The following FARSB variants were observed in gnomAD, a reference collection of about 807,000 sequenced individuals.
FARSB encodes the protein phenylalanine--tRNA ligase beta subunit.
A neutral mutation model predicts 69.6 loss-of-function variants in FARSB; 40 were observed. The ratio of observed to expected loss-of-function variants is 0.57; its 90% CI spans 0.45 to 0.75. FARSB has a LOEUF of 0.75. Among genes scored for constraint, FARSB ranks in the 30% least tolerant of loss-of-function variants. The pLI, the probability that FARSB is intolerant of heterozygous loss-of-function variation, is 0.00. For synonymous variants in FARSB, 235 were observed against 247.2 expected, an observed-to-expected ratio of 0.95 and a Z score of 0.46; for missense variants, 632 against 722.9, an observed-to-expected ratio of 0.87 and a Z score of 1.44.
At chr2:222,600,853 T>C (rs899320853) in intron 15 of FARSB, among the ~76,000 whole-genome samples, 2 of 152,222 alleles carry the variant, frequency 1.3e-5, no homozygotes, top group African/African-American at 4.8e-5. Flanking sequence ...CCATTCTTAA[T>C]GTGGCTGATG....
chr2:222,576,453 T>C (rs1466768557), intron 16 of FARSB, among the ~76,000 whole-genome samples: 2 of 152,060 alleles, frequency 1.3e-5, no homozygotes, highest in African/African-American at 4.8e-5. Context: ...CAACAGAAAC[T>C]ATCATCATGA....
intron 16 of FARSB, among the ~76,000 whole-genome samples, chr2:222,598,758 G>A (rs760293238): frequency 3.3e-5 from 5 of 152,034 alleles, no homozygotes; most frequent in African/African-American, 9.7e-5. Flanking sequence ...ACCCGGCTCC[G>A]GCTTCTTTAA....
chr2:222,634,852 C>T (rs535415935), intron 5 of FARSB, among the ~76,000 whole-genome samples: 36 of 152,242 alleles, frequency 2.4e-4, no homozygotes, highest in African/African-American at 8.7e-4. Context: ...TCTAGGATAT[C>T]TTCAAAGTTA....
chr2:222,588,915 C>A (rs577268869), intron 16 of FARSB, among the ~76,000 whole-genome samples: 1 of 152,086 alleles, frequency 6.6e-6, no homozygotes, highest in Non-Finnish European at 1.5e-5. Context: ...GAATCAATAT[C>A]GTGAAAATGG....
At chr2:222,625,738 C>T (rs188497302) in intron 10 of FARSB, among the ~76,000 whole-genome samples, 40 of 152,314 alleles carry the variant, frequency 2.6e-4, no homozygotes, top group Non-Finnish European at 2.9e-5. Flanking sequence ...GTACGAGATG[C>T]ATTTTAAAGA....
intron 2 of FARSB, among the ~76,000 whole-genome samples, chr2:222,644,218 C>T (rs1285055117): frequency 1.3e-5 from 2 of 152,142 alleles, no homozygotes; most frequent in African/African-American, 2.4e-5. Context: ...CTTCTGGCCA[C>T]GAGTATTATG....
At chr2:222,650,627 T>C (rs1335797764) in intron 1 of FARSB, among the ~76,000 whole-genome samples, 1 of 152,042 alleles carries the variant, frequency 6.6e-6, no homozygotes, top group African/African-American at 2.4e-5. Context: ...GGGCAGGTAG[T>C]AATAGGTACC....
intron 15 of FARSB, among the ~76,000 whole-genome samples, chr2:222,601,305 G>A (rs1690552052): frequency 6.6e-6 from 1 of 152,034 alleles, no homozygotes; most frequent in South Asian, 2.1e-4. Flanking sequence ...TAAAGTATAT[G>A]AAGAATAGGG....
chr2:222,655,979 A>G (rs752704171), intron 1 of FARSB, 37 bp downstream of exon 1: 16 of 1,508,384 alleles, frequency 1.1e-5, no homozygotes, highest in Non-Finnish European at 1.4e-5. Context: ...GCCTCCGAGA[A>G]GAGGCGTAGG....
intron 16 of FARSB, among the ~76,000 whole-genome samples, chr2:222,582,735 C>T (rs1330930028): frequency 6.6e-6 from 1 of 151,976 alleles, no homozygotes; most frequent in South Asian, 2.1e-4. Flanking sequence ...ACCAGCCTGG[C>T]CAACATGACG....
intron 10 of FARSB, among the ~76,000 whole-genome samples, chr2:222,626,743 T>C (rs984408490): frequency 4.6e-5 from 7 of 152,094 alleles, no homozygotes; most frequent in Non-Finnish European, 8.8e-5. Context: ...AATCATCATA[T>C]TGAAAAGAGG....
intron 15 of FARSB, among the ~76,000 whole-genome samples, chr2:222,609,968 T>C (rs1690801670): frequency 6.6e-6 from 1 of 152,128 alleles, no homozygotes; most frequent in African/African-American, 2.4e-5. Context: ...TCCTTAATAT[T>C]AGAAAACAAG....
At chr2:222,602,875 TC>T (rs1690599659) in intron 15 of FARSB, among the ~76,000 whole-genome samples, 1 of 152,166 alleles carries the variant, frequency 6.6e-6, no homozygotes, top group Non-Finnish European at 1.5e-5. Context: ...AAGTATGTTA[TC>T]ATTTATGTTT....
Position 222,570,147 on chromosome 2 carries a change from T to C in FARSB, c.*1724A>G, listed in dbSNP as rs1013317480. ...CCCTGATGACTAACGATGTTGAGGATCTTTTCAAGTGCTCATTCATATGTC... is the reference window on the plus strand; with the variant it reads ...CCCTGATGACTAACGATGTTGAGGACCTTTTCAAGTGCTCATTCATATGTC... On this transcript the variant is annotated 3_prime_UTR_variant, in exon 17 of 17. Coordinates refer to ENST00000281828, the MANE Select transcript of FARSB (RefSeq NM_005687.5). Among the ~76,000 whole-genome samples, 7 of 152,222 alleles carry C rather than the reference T, an allele frequency of 4.6e-5. No homozygotes were observed. Among genetic ancestry groups the C allele is most frequent in the Non-Finnish European group, 1.0e-4 (7 of 68,042 alleles).
At chr2:222,631,367 T>A (rs554347921) in intron 8 of FARSB, among the ~76,000 whole-genome samples, 1 of 152,314 alleles carries the variant, frequency 6.6e-6, no homozygotes, top group East Asian at 1.9e-4. Flanking sequence ...GACATGTAAC[T>A]CATTATTAAA....
At chr2:222,613,221 T>G (rs2106209366) in intron 15 of FARSB, among the ~76,000 whole-genome samples, 1 of 152,316 alleles carries the variant, frequency 6.6e-6, no homozygotes, top group East Asian at 1.9e-4. Context: ...ATTAAATTTA[T>G]AAAACAAAAC....
At chr2:222,573,248 A>C (rs2106172653) in intron 16 of FARSB, among the ~76,000 whole-genome samples, 1 of 152,240 alleles carries the variant, frequency 6.6e-6, no homozygotes, top group Non-Finnish European at 1.5e-5. Flanking sequence ...AAAATATTCT[A>C]AATTGTCATT....
Position 222,640,925 on chromosome 2 carries a change from CT to C in FARSB, c.275del (p.Lys92ArgfsTer8). On this transcript the variant is annotated frameshift_variant, in exon 4 of 17. Coordinates refer to ENST00000281828, the MANE Select transcript of FARSB (RefSeq NM_005687.5). LOFTEE classifies it high-confidence loss of function. ...RGLQVFKERI[K>X]APVYKRVMPD... ...GCATTACCCGTTTATACACTGGAGC[CT>C]TTATCCTAAAATAATATTTAAATGA... is the stretch of plus-strand genomic sequence containing the variant. 6.7e-7 allele frequency: 1 copy of C among 1,482,680 alleles called. No individual in the cohort carries two copies. Among genetic ancestry groups the C allele is most frequent in the Non-Finnish European group, 9.3e-7 (1 of 1,078,958 alleles). 91.8% of individuals were successfully genotyped at this position (1,482,680 alleles called of 1,614,324 possible).
chr2:222,645,087 C>A (rs1265782223), intron 2 of FARSB, among the ~76,000 whole-genome samples: 2 of 151,186 alleles, frequency 1.3e-5, no homozygotes, highest in Non-Finnish European at 2.9e-5. Context: ...TGCTACCTGA[C>A]AATAATCTTA....
Sources: allele counts gnomAD v4.1 joint callset (sites outside exome capture counted in the v4.1 genomes callset), GRCh38; gene constraint gnomAD v4.1.1; transcripts MANE v1.5; gene names NCBI Gene and HGNC (gene_info 2026-07-23, HGNC 2026-07-21).